CTNNA3: variants seen among roughly 807,000 people sequenced by gnomAD.
CTNNA3 encodes the protein catenin alpha 3.
A neutral mutation model predicts 95.7 loss-of-function variants in CTNNA3; 76 were observed. That is an observed-to-expected ratio of 0.79 (90% CI 0.66 to 0.96). The LOEUF (loss-of-function observed/expected upper bound fraction) is 0.96. Ranked by LOEUF, CTNNA3 falls within the 40% of genes least tolerant of loss-of-function variation. CTNNA3 has a pLI of 0.00. For missense variants in CTNNA3, 1,191 were observed against 1,089.8 expected (o/e 1.09, Z -1.31); for synonymous variants, 431 against 374.4 (o/e 1.15, Z -1.74).
chr10:67,751,995 C>G (rs931161477), intron 1 of CTNNA3, among the ~76,000 whole-genome samples: 3 of 152,112 alleles, frequency 2.0e-5, no homozygotes, highest in Admixed American at 2.0e-4. Flanking sequence ...CATCCTGATA[C>G]CAAAACCTGG....
intron 7 of CTNNA3, among the ~76,000 whole-genome samples, chr10:67,023,677 A>C (rs562369068): frequency 6.6e-6 from 1 of 152,340 alleles, no homozygotes; most frequent in South Asian, 2.1e-4. Flanking sequence ...AAATTGAGTC[A>C]ATATGTATCG....
chr10:66,199,791 ATATATATATATATATTTTTTTTTTTT>A, intron 13 of CTNNA3, among the ~76,000 whole-genome samples: 1 of 12,340 alleles, frequency 8.1e-5, no homozygotes, highest in African/African-American at 3.1e-4. Context: ...ATATATATAT[ATATATATATATATATTTTTTTTTTTT>A]TTTTTTTTTT....
chr10:67,087,417 TA>T (rs1195206602), intron 7 of CTNNA3, among the ~76,000 whole-genome samples: 2 of 151,976 alleles, frequency 1.3e-5, no homozygotes. Flanking sequence ...TTGCAATTTA[TA>T]GGGGGAAAAT....
At chr10:67,103,300 C>T (rs1189710038) in intron 7 of CTNNA3, among the ~76,000 whole-genome samples, 1 of 151,804 alleles carries the variant, frequency 6.6e-6, no homozygotes, top group African/African-American at 2.4e-5. Flanking sequence ...CTGAGGAAAG[C>T]ATACCAAAAG....
At chr10:67,180,883 T>C (rs1398720940) in intron 6 of CTNNA3, among the ~76,000 whole-genome samples, 2 of 152,216 alleles carry the variant, frequency 1.3e-5, no homozygotes, top group Non-Finnish European at 2.9e-5. Context: ...CTTAATACAC[T>C]GACTGGAGCA....
At chr10:66,739,932 T>A (rs904382896) in intron 9 of CTNNA3, among the ~76,000 whole-genome samples, 1 of 152,154 alleles carries the variant, frequency 6.6e-6, no homozygotes, top group Non-Finnish European at 1.5e-5. Context: ...CTGTGTGTAT[T>A]AAAACATGAA....
In CTNNA3 at chr10:66,734,160, AT is replaced by A. The variant is rs1206413438; in HGVS notation, c.1281+32103del. 8.7e-5 allele frequency among the ~76,000 whole-genome samples: 13 copies of A among 149,578 alleles called. No individual in the cohort carries two copies. In the East Asian group the frequency reaches 1.6e-3, roughly 18 times the overall value. ...AATTCTCATCATTCCTTAAAAAAAA[AT>A]ATTGACTTTTTAAAGAAACTTCTTT... On this transcript the variant is annotated intron_variant, in intron 9 of 17. Transcript: ENST00000433211.
intron 10 of CTNNA3, among the ~76,000 whole-genome samples, chr10:66,534,195 T>G (rs74714288): frequency 4.4e-4 from 67 of 152,182 alleles, no homozygotes; most frequent in African/African-American, 1.5e-3. Flanking sequence ...TGCTATTTCT[T>G]CAGATTTTAA....
chr10:66,125,576 G>A (rs148269787), intron 13 of CTNNA3, among the ~76,000 whole-genome samples: 1 of 152,120 alleles, frequency 6.6e-6, no homozygotes, highest in Non-Finnish European at 1.5e-5. Flanking sequence ...ATAGAAAACA[G>A]AAATACTAAT....
intron 13 of CTNNA3, among the ~76,000 whole-genome samples, chr10:66,250,286 A>T (rs2090496391): frequency 6.6e-6 from 1 of 152,142 alleles, no homozygotes; most frequent in South Asian, 2.1e-4. Context: ...GTAGTTGGGG[A>T]CTTAGGGGGA....
At chr10:66,811,430 G>A (rs1414467327) in intron 7 of CTNNA3, among the ~76,000 whole-genome samples, 1 of 152,202 alleles carries the variant, frequency 6.6e-6, no homozygotes, top group Non-Finnish European at 1.5e-5. Flanking sequence ...ATCTACGCAA[G>A]AGGAATTTAA....
chr10:66,330,968 C>G (rs2092319628), intron 12 of CTNNA3, among the ~76,000 whole-genome samples: 1 of 151,970 alleles, frequency 6.6e-6, no homozygotes, highest in South Asian at 2.1e-4. Context: ...TGGATATTAG[C>G]CCTTTGTCAG....
intron 9 of CTNNA3, among the ~76,000 whole-genome samples, chr10:66,752,056 T>A (rs1347801888): frequency 1.3e-5 from 2 of 152,182 alleles, no homozygotes; most frequent in Non-Finnish European, 2.9e-5. Context: ...ATATGATTTC[T>A]ATCTTAATCT....
chr10:67,486,035 A>C (rs1848435597), intron 5 of CTNNA3, among the ~76,000 whole-genome samples: 1 of 152,158 alleles, frequency 6.6e-6, no homozygotes, highest in African/African-American at 2.4e-5. Context: ...AGCAACCCAA[A>C]CCTAAGGGAA....
At chr10:66,966,527 T>G (rs548691084) in intron 7 of CTNNA3, among the ~76,000 whole-genome samples, 3 of 151,288 alleles carry the variant, frequency 2.0e-5, no homozygotes, top group Admixed American at 6.6e-5. Flanking sequence ...TTCAAAGAAA[T>G]AGCTAAAAAT....
chr10:67,430,320 A>T (rs533475566), intron 5 of CTNNA3, among the ~76,000 whole-genome samples: 2 of 152,072 alleles, frequency 1.3e-5, no homozygotes, highest in South Asian at 4.1e-4. Flanking sequence ...ATATAAATTT[A>T]CCAGCTGTGT....
chr10:66,476,287 G>T (rs1418016369), intron 11 of CTNNA3, among the ~76,000 whole-genome samples: 1 of 151,982 alleles, frequency 6.6e-6, no homozygotes, highest in African/African-American at 2.4e-5. Context: ...TAGGTGATGG[G>T]TTGACAGGTG....
intron 7 of CTNNA3, among the ~76,000 whole-genome samples, chr10:66,901,242 A>G (rs949749835): frequency 6.6e-6 from 1 of 152,200 alleles, no homozygotes; most frequent in Non-Finnish European, 1.5e-5. Flanking sequence ...AAAGAAAAGA[A>G]TTTTCAACAC....
chr10:66,482,847 CA>C (rs1565006264), intron 11 of CTNNA3, among the ~76,000 whole-genome samples: 1 of 151,962 alleles, frequency 6.6e-6, no homozygotes, highest in African/African-American at 2.4e-5. Context: ...TAAACACAGA[CA>C]AAAAAGCTTT....
Sources: allele counts gnomAD v4.1 joint callset (sites outside exome capture counted in the v4.1 genomes callset), GRCh38; gene constraint gnomAD v4.1.1; transcripts MANE v1.5; gene names NCBI Gene and HGNC (gene_info 2026-07-23, HGNC 2026-07-21).